Variants in ITPR2 observed in about 807,000 individuals in gnomAD.
ITPR2 encodes the protein inositol 1,4,5-trisphosphate-gated calcium channel ITPR2.
ITPR2 carries 207 observed loss-of-function variants against 317.1 expected under a neutral mutation model. The ratio of observed to expected loss-of-function variants is 0.65; its 90% CI spans 0.58 to 0.73. The LOEUF (loss-of-function observed/expected upper bound fraction) is 0.73. Among genes scored for constraint, ITPR2 ranks in the 30% least tolerant of loss-of-function variants. The pLI is 0.00. For synonymous variants in ITPR2, 1,156 were observed against 1,149.1 expected, an observed-to-expected ratio of 1.01 and a Z score of -0.12; for missense variants, 2,613 against 3,284.0, an observed-to-expected ratio of 0.80 and a Z score of 4.99.
At chr12:26,349,988 A>G (rs1045234723) in intron 55 of ITPR2, among the ~76,000 whole-genome samples, 2 of 152,214 alleles carry the variant, frequency 1.3e-5, no homozygotes, top group African/African-American at 2.4e-5. Flanking sequence ...GGCTGATTCT[A>G]TAACCCCTGG....
intron 2 of ITPR2, among the ~76,000 whole-genome samples, chr12:26,743,479 T>C (rs1352076446): frequency 1.3e-5 from 2 of 152,232 alleles, no homozygotes; most frequent in Admixed American, 1.3e-4. Context: ...AAAAAATATT[T>C]TTTCCATAGC....
intron 39 of ITPR2, among the ~76,000 whole-genome samples, 160 bp from the exon 40 acceptor site, chr12:26,487,411 T>C (rs1326802315): frequency 1.3e-5 from 2 of 152,218 alleles, no homozygotes; most frequent in Non-Finnish European, 2.9e-5. Context: ...CTTGTACTAT[T>C]TAATGTGTAC....
intron 2 of ITPR2, among the ~76,000 whole-genome samples, chr12:26,755,694 AT>A (rs980647147): frequency 3.9e-5 from 6 of 152,226 alleles, no homozygotes; most frequent in Non-Finnish European, 5.9e-5. Context: ...TTCTTTTGCA[AT>A]ACTAAGACAC....
chr12:26,625,468 C>T (rs766921996), intron 23 of ITPR2, among the ~76,000 whole-genome samples: 4 of 151,040 alleles, frequency 2.6e-5, no homozygotes, highest in Non-Finnish European at 5.9e-5. Context: ...AACTATGTAC[C>T]CACAAAAATT....
At chr12:26,830,479 G>A (rs1243033378) in intron 1 of ITPR2, among the ~76,000 whole-genome samples, 1 of 152,202 alleles carries the variant, frequency 6.6e-6, no homozygotes, top group African/African-American at 2.4e-5. Context: ...AGCACTCTTG[G>A]CTGGGAATCT....
intron 36 of ITPR2, among the ~76,000 whole-genome samples, chr12:26,550,586 G>T (rs942407091): frequency 6.6e-6 from 1 of 151,984 alleles, no homozygotes. Context: ...ACTTACTCAG[G>T]TGGCATTCTT....
chr12:26,670,790 TA>T (rs1362760602), intron 13 of ITPR2, among the ~76,000 whole-genome samples: 1 of 152,128 alleles, frequency 6.6e-6, no homozygotes, highest in Admixed American at 6.5e-5. Flanking sequence ...GCAAAGAAGT[TA>T]AAAACTTTGA....
intron 55 of ITPR2, among the ~76,000 whole-genome samples, chr12:26,355,532 C>T (rs1309313715): frequency 6.6e-6 from 1 of 152,172 alleles, no homozygotes; most frequent in African/African-American, 2.4e-5. Context: ...ACTGGGAAGT[C>T]ATAAGCATTC....
intron 37 of ITPR2, among the ~76,000 whole-genome samples, chr12:26,524,987 T>C (rs1353778093): frequency 6.6e-6 from 1 of 152,132 alleles, no homozygotes; most frequent in Non-Finnish European, 1.5e-5. Context: ...AATAAAACAT[T>C]TCTATAATTT....
chr12:26,427,055 A>G (rs2136701174), intron 49 of ITPR2, among the ~76,000 whole-genome samples: 1 of 152,162 alleles, frequency 6.6e-6, no homozygotes, highest in East Asian at 1.9e-4. Flanking sequence ...AATGTTCTTG[A>G]TACTGAATGA....
intron 37 of ITPR2, among the ~76,000 whole-genome samples, chr12:26,512,133 G>A (rs540020117): frequency 5.8e-4 from 88 of 150,474 alleles, no homozygotes; most frequent in African/African-American, 2.0e-3. Context: ...TGGGAACTGT[G>A]TCAGGCAAAC....
At chr12:26,714,830 T>C (rs1218309493) in intron 8 of ITPR2, among the ~76,000 whole-genome samples, 3 of 152,190 alleles carry the variant, frequency 2.0e-5, no homozygotes, top group Non-Finnish European at 4.4e-5. Flanking sequence ...AATTCTTAAC[T>C]ATGGGTCTCC....
intron 2 of ITPR2, among the ~76,000 whole-genome samples, chr12:26,731,648 A>G (rs991604825): frequency 6.6e-6 from 1 of 152,010 alleles, no homozygotes; most frequent in African/African-American, 2.4e-5. Flanking sequence ...AAATTTTTTT[A>G]AAAAATCAGC....
rs370685776 is a variant in ITPR2 at position 26,413,262 on chromosome 12, G to A, written c.7307-1850C>T. ...TTGCAATGGCATTTGCCAATTACCC[G>A]TCCTCTATTCTCACAGGGCCCTGTG... On this transcript the variant is annotated intron_variant, in intron 51 of 56. Transcript: ENST00000381340. 7.9e-5 allele frequency among the ~76,000 whole-genome samples: 12 copies of A among 152,280 alleles called. No homozygotes were observed. In the South Asian group the frequency reaches 1.9e-3, roughly 24 times the overall value.
chr12:26,494,615 CA>C (rs1367590857), intron 38 of ITPR2, among the ~76,000 whole-genome samples: 1 of 151,292 alleles, frequency 6.6e-6, no homozygotes, highest in Non-Finnish European at 1.5e-5. Flanking sequence ...ACTAAAAATA[CA>C]AAAATTAGCC....
At position 26,561,831 on chromosome 12, in the gene ITPR2, A is replaced by C. The variant is rs1227485601; in HGVS notation, c.4752T>G (p.Ser1584=). The C allele has an allele frequency of 6.3e-7, 1 of 1,596,720 alleles. No individual in the cohort carries two copies. The highest frequency in any genetic ancestry group is 1.4e-5 in the African/African-American group (1 of 73,948). The change falls in exon 35 of 57, where the codon TCT becomes TCG. Residue 1584 remains serine, a synonymous_variant. Coordinates refer to ENST00000381340, the MANE Select transcript of ITPR2 (RefSeq NM_002223.4). ...AAMGWRLSAR[S]GPRFKEALGG... ...CAAGAGCTTCCTTAAAGCGTGGCCC[A>C]GAGCGAGCTGATAGTCTCCAACCCA...
At chr12:26,775,959 T>TATATATATACATA (rs1263788006) in intron 2 of ITPR2, among the ~76,000 whole-genome samples, 10 of 145,162 alleles carry the variant, frequency 6.9e-5, no homozygotes, top group East Asian at 6.1e-4. Context: ...TATATGTATA[T>TATATATATACATA]CCTATTAGTT....
At chr12:26,539,592 C>T (rs926492271) in intron 37 of ITPR2, among the ~76,000 whole-genome samples, 1 of 152,204 alleles carries the variant, frequency 6.6e-6, no homozygotes, top group Non-Finnish European at 1.5e-5. Flanking sequence ...CAGATTTGGT[C>T]ATCATCTGCT....
At chr12:26,388,711 A>T (rs1447394113) in intron 54 of ITPR2, among the ~76,000 whole-genome samples, 1 of 152,162 alleles carries the variant, frequency 6.6e-6, no homozygotes, top group African/African-American at 2.4e-5. Flanking sequence ...GATATAAAGC[A>T]CAATAAGTAA....
Sources: gnomAD v4.1 joint callset for allele counts (sites outside exome capture counted in the v4.1 genomes callset) on GRCh38, gnomAD v4.1.1 for gene constraint, MANE v1.5 for transcripts, NCBI Gene and HGNC (gene_info 2026-07-23, HGNC 2026-07-21) for gene names.